The following SLC29A3 variants were observed in gnomAD, a reference collection of about 807,000 sequenced individuals.
SLC29A3 encodes the protein solute carrier family 29 member 3.
In SLC29A3, 18 loss-of-function variants were observed where a neutral mutation model predicts 25.4. The ratio of observed to expected loss-of-function variants is 0.71; its 90% CI spans 0.49 to 1.05. The LOEUF (loss-of-function observed/expected upper bound fraction) is 1.05, where lower values mean the gene tolerates loss of function less well. Among genes scored for constraint, SLC29A3 ranks in the 50% least tolerant of loss-of-function variants. SLC29A3 has a pLI of 0.00. For synonymous variants in SLC29A3, 258 were observed against 267.1 expected (o/e 0.97, Z 0.33); for missense variants, 586 against 609.0 (o/e 0.96, Z 0.40).
intron 2 of SLC29A3, among the ~76,000 whole-genome samples, chr10:71,338,933 T>C (rs927479733): frequency 1.1e-4 from 16 of 152,194 alleles, no homozygotes; most frequent in African/African-American, 3.9e-4. Flanking sequence ...TTCCTGGTGA[T>C]GCACCGCGAC....
At chr10:71,320,091 C>G (rs1310951274) in intron 1 of SLC29A3, among the ~76,000 whole-genome samples, 1 of 152,176 alleles carries the variant, frequency 6.6e-6, no homozygotes, top group African/African-American at 2.4e-5. Context: ...GCCTGTGACC[C>G]TGGTTAGAGA....
At chr10:71,361,874 G>C in intron 5 of SLC29A3, 80 bp from the exon 6 acceptor site, 1 of 1,563,822 alleles carries the variant, frequency 6.4e-7, no homozygotes, top group Non-Finnish European at 8.7e-7. Context: ...GGAAGGTTCT[G>C]TTCTGAGTGC....
intron 1 of SLC29A3, 131 bp from the exon 2 acceptor site, chr10:71,322,625 G>T: frequency 9.4e-7 from 1 of 1,068,228 alleles, no homozygotes. Flanking sequence ...CTCCAACCAG[G>T]CTTTGGTGAC....
intron 4 of SLC29A3, among the ~76,000 whole-genome samples, chr10:71,354,235 C>G (rs2131842115): frequency 6.6e-6 from 1 of 152,250 alleles, no homozygotes; most frequent in Admixed American, 6.5e-5. Context: ...CATCACAGCC[C>G]TACGAGGTGG....
At position 71,363,070 on chromosome 10, in the gene SLC29A3, TC is replaced by T; in HGVS notation, c.*466del. The T allele has an allele frequency of 2.2e-6, 1 of 452,596 alleles. No homozygotes were observed. Among genetic ancestry groups the T allele is most frequent in the Admixed American group, 2.4e-5 (1 of 42,452 alleles). The allele number at this position is 452,596 out of a possible 1,614,324, so 28.0% of individuals were successfully genotyped here. On this transcript the variant is annotated 3_prime_UTR_variant, in exon 6 of 6. Transcript: ENST00000373189. Reference sequence around the variant, plus strand: ...TGAAGGGGTCTCCCTGGAATGGAAGTCCCCTGGCATGGTCAGTCCTCAGGCC... The same window carrying T: ...TGAAGGGGTCTCCCTGGAATGGAAGTCCCTGGCATGGTCAGTCCTCAGGCC...
intron 2 of SLC29A3, among the ~76,000 whole-genome samples, chr10:71,327,290 A>G (rs1436408374): frequency 6.6e-6 from 1 of 152,226 alleles, no homozygotes; most frequent in East Asian, 1.9e-4. Context: ...GATGGCTTAG[A>G]AAGTATCCTG....
chr10:71,367,676 AG>A (rs1847180849), downstream of SLC29A3, among the ~76,000 whole-genome samples: 2 of 152,318 alleles, frequency 1.3e-5, no homozygotes, highest in South Asian at 4.1e-4. Context: ...TTGACCCTGA[AG>A]GAGAGTGACA....
intron 4 of SLC29A3, among the ~76,000 whole-genome samples, chr10:71,378,873 C>G (rs1259253494): frequency 6.6e-6 from 1 of 152,164 alleles, no homozygotes; most frequent in Non-Finnish European, 1.5e-5. Flanking sequence ...CTGGAGCTTC[C>G]TGAATTCACT....
intron 2 of SLC29A3, among the ~76,000 whole-genome samples, chr10:71,327,220 C>T (rs1263166843): frequency 6.6e-6 from 1 of 152,222 alleles, no homozygotes; most frequent in Non-Finnish European, 1.5e-5. Flanking sequence ...ACCCTCTCCC[C>T]CAAATTATGT....
chr10:71,366,815 C>T (rs1208258272), downstream of SLC29A3, among the ~76,000 whole-genome samples: 3 of 152,210 alleles, frequency 2.0e-5, no homozygotes, highest in African/African-American at 7.2e-5. Flanking sequence ...ACTGAGAGCC[C>T]ATGCATGTCT....
exon 5 of SLC29A3, chr10:71,380,814 A>G (rs1847296777): frequency 1.3e-5 from 2 of 152,136 alleles, no homozygotes; most frequent in Admixed American, 1.3e-4. Flanking sequence ...ATAATCTCTC[A>G]TCACGCCATT....
intron 3 of SLC29A3, among the ~76,000 whole-genome samples, chr10:71,345,855 G>C (rs926273458): frequency 1.3e-5 from 2 of 152,244 alleles, no homozygotes; most frequent in African/African-American, 4.8e-5. Flanking sequence ...GGAGACAGCC[G>C]TGGTGGGGGG....
chr10:71,349,230 A>T (rs542949552), intron 3 of SLC29A3, among the ~76,000 whole-genome samples: 1 of 152,154 alleles, frequency 6.6e-6, no homozygotes. Context: ...TACCCACAAT[A>T]AAAGGATGTC....
Position 71,371,000 on chromosome 10 carries a change from C to T in SLC29A3, c.*95-4695C>T, listed in dbSNP as rs532601330. 9.7e-4 allele frequency among the ~76,000 whole-genome samples: 148 copies of T among 152,108 alleles called. No individual in the cohort carries two copies. The Middle Eastern group carries it at 0.01, about 10-fold the overall frequency. On this transcript the variant is annotated intron_variant and NMD_transcript_variant, in intron 3 of 4. Coordinates refer to the SLC29A3 transcript ENST00000642772. ...CTCTTTATGTTGCCCAGGCTGGTCT[C>T]GAACTCCTGAGCTCAAACGATCTAC...
At chr10:71,347,459 C>G (rs1572810) in intron 3 of SLC29A3, among the ~76,000 whole-genome samples, 149,692 of 152,222 alleles carry the variant, frequency 0.98, 73,611 homozygotes, top group East Asian at 1. Context: ...CCAGACATTA[C>G]AGCAGCTGAA....
chr10:71,380,828 T>C (rs1357326368), exon 5 of SLC29A3: 1 of 152,176 alleles, frequency 6.6e-6, no homozygotes, highest in Non-Finnish European at 1.5e-5. Flanking sequence ...CGCCATTCAT[T>C]CTTCCTTTGT....
At chr10:71,355,541 G>A (rs1846880002) in intron 4 of SLC29A3, among the ~76,000 whole-genome samples, 1 of 152,224 alleles carries the variant, frequency 6.6e-6, no homozygotes. Flanking sequence ...TCATGGGTGG[G>A]CAATGGTGGG....
chr10:71,368,437 A>G (rs1418123474), intron 3 of SLC29A3, among the ~76,000 whole-genome samples: 2 of 152,122 alleles, frequency 1.3e-5, no homozygotes, highest in South Asian at 2.1e-4. Flanking sequence ...CCAGTGCTCA[A>G]TGGACTTGCC....
At chr10:71,373,221 T>C (rs1375815514) in intron 3 of SLC29A3, among the ~76,000 whole-genome samples, 1 of 152,234 alleles carries the variant, frequency 6.6e-6, no homozygotes, top group Non-Finnish European at 1.5e-5. Flanking sequence ...ATTGACTGCA[T>C]TTTCTAATAA....
Sources: gnomAD v4.1 joint callset for allele counts (sites outside exome capture counted in the v4.1 genomes callset) on GRCh38, gnomAD v4.1.1 for gene constraint, MANE v1.5 for transcripts, NCBI Gene and HGNC (gene_info 2026-07-23, HGNC 2026-07-21) for gene names.